Variants in CDH13 observed in about 807,000 individuals in gnomAD.
CDH13 encodes the protein cadherin-13.
A neutral mutation model predicts 63.8 loss-of-function variants in CDH13; 24 were observed. The ratio of observed to expected loss-of-function variants is 0.38; its 90% CI spans 0.27 to 0.53. The LOEUF is 0.53. CDH13 is among the 20% of genes least tolerant of loss of function. CDH13 has a pLI of 0.85. For synonymous variants in CDH13, 503 were observed against 355.3 expected, an observed-to-expected ratio of 1.42 and a Z score of -4.67; for missense variants, 1,049 against 903.1, an observed-to-expected ratio of 1.16 and a Z score of -2.07.
chr16:83,310,481 AGAG>A (rs773992215), intron 5 of CDH13, among the ~76,000 whole-genome samples: 1 of 152,196 alleles, frequency 6.6e-6, no homozygotes. Flanking sequence ...AGAGAGGCAG[AGAG>A]GAGAACACTG....
chr16:83,257,852 C>A (rs879739206), intron 5 of CDH13, among the ~76,000 whole-genome samples: 1 of 152,192 alleles, frequency 6.6e-6, no homozygotes, highest in East Asian at 1.9e-4. Flanking sequence ...ATACTATCTT[C>A]CACAATGGTT....
chr16:82,721,390 ATGAG>A (rs1450724662), intron 1 of CDH13, among the ~76,000 whole-genome samples: 1 of 152,108 alleles, frequency 6.6e-6, no homozygotes, highest in African/African-American at 2.4e-5. Flanking sequence ...TATATTTAGG[ATGAG>A]TGAGGGACAC....
rs570154703 is a variant in CDH13, at chr16:82,928,133, CCATT to C, written c.157+69663_157+69666del. ...ATTTGTACTATTTGGTCATTTTTCT[CCATT>C]CAATAATATAAAGTAGGCAGTCGTG... On this transcript the variant is annotated intron_variant, in intron 2 of 13. Coordinates refer to ENST00000567109, the MANE Select transcript of CDH13 (RefSeq NM_001257.5). 1.1e-3 allele frequency among the ~76,000 whole-genome samples: 160 copies of C among 150,150 alleles called. 1 individual carries two copies. Among genetic ancestry groups the C allele is most frequent in the African/African-American group, 3.7e-3 (153 of 40,806 alleles).
chr16:83,312,737 A>G (rs1023197341), intron 5 of CDH13, among the ~76,000 whole-genome samples: 1 of 152,238 alleles, frequency 6.6e-6, no homozygotes. Context: ...ATGTAATTAC[A>G]TAAAATAAAA....
chr16:83,498,974 T>G (rs1225602000), intron 7 of CDH13, among the ~76,000 whole-genome samples: 1 of 152,184 alleles, frequency 6.6e-6, no homozygotes, highest in Non-Finnish European at 1.5e-5. Flanking sequence ...ATACAGGTCA[T>G]TTGTTGAGTA....
At chr16:82,995,437 C>G (rs1415316005) in intron 2 of CDH13, among the ~76,000 whole-genome samples, 3 of 152,128 alleles carry the variant, frequency 2.0e-5, no homozygotes, top group Admixed American at 2.0e-4. Context: ...CTGTTTTTCC[C>G]TTCTTCAGCT....
At chr16:82,870,416 A>C (rs2040303616) in intron 2 of CDH13, among the ~76,000 whole-genome samples, 1 of 152,160 alleles carries the variant, frequency 6.6e-6, no homozygotes, top group Non-Finnish European at 1.5e-5. Flanking sequence ...GATGGTCCCC[A>C]AAAAACTAAA....
chr16:83,435,402 A>G (rs2072264170), intron 6 of CDH13, among the ~76,000 whole-genome samples: 1 of 152,044 alleles, frequency 6.6e-6, no homozygotes, highest in African/African-American at 2.4e-5. Flanking sequence ...AAACACTGCA[A>G]TCGTGTCATC....
At chr16:82,889,510 G>C (rs1182363142) in intron 2 of CDH13, among the ~76,000 whole-genome samples, 1 of 152,228 alleles carries the variant, frequency 6.6e-6, no homozygotes, top group Non-Finnish European at 1.5e-5. Flanking sequence ...GTGCAGATAT[G>C]AGTGATGGTC....
intron 3 of CDH13, among the ~76,000 whole-genome samples, chr16:83,099,944 T>C (rs2034394164): frequency 6.6e-6 from 1 of 152,192 alleles, no homozygotes; most frequent in Non-Finnish European, 1.5e-5. Context: ...GCACCCACAC[T>C]GTCCTACAAA....
At chr16:83,095,618 A>G (rs2034155430) in intron 3 of CDH13, among the ~76,000 whole-genome samples, 1 of 152,226 alleles carries the variant, frequency 6.6e-6, no homozygotes, top group Non-Finnish European at 1.5e-5. Context: ...CACCTCGCCA[A>G]AATCCTTGGC....
intron 10 of CDH13, among the ~76,000 whole-genome samples, chr16:83,684,164 C>G (rs952892283): frequency 6.6e-6 from 1 of 152,108 alleles, no homozygotes; most frequent in South Asian, 2.1e-4. Flanking sequence ...ATCAGGAGTT[C>G]GAGACCAGCC....
chr16:83,530,772 C>G (rs1190494841), intron 7 of CDH13, among the ~76,000 whole-genome samples: 3 of 149,146 alleles, frequency 2.0e-5, no homozygotes, highest in South Asian at 2.1e-4. Flanking sequence ...CAAAGAAGGA[C>G]TAGCCTATGG....
chr16:83,784,284 T>C (rs917582975), intron 13 of CDH13, among the ~76,000 whole-genome samples: 2 of 152,130 alleles, frequency 1.3e-5, no homozygotes, highest in African/African-American at 4.8e-5. Flanking sequence ...TAGTACAACA[T>C]TGGACATTCA....
chr16:83,053,571 C>T (rs1341833599), intron 3 of CDH13, among the ~76,000 whole-genome samples: 2 of 151,894 alleles, frequency 1.3e-5, no homozygotes, highest in Non-Finnish European at 2.9e-5. Flanking sequence ...ATATATGTTT[C>T]TTAAATTAGA....
At chr16:82,702,061 T>G (rs746700690) in intron 1 of CDH13, among the ~76,000 whole-genome samples, 3 of 152,160 alleles carry the variant, frequency 2.0e-5, no homozygotes, top group Non-Finnish European at 4.4e-5. Context: ...AACTCACCTT[T>G]CCCACTTGGC....
At chr16:83,180,639 C>A (rs578080965) in intron 4 of CDH13, among the ~76,000 whole-genome samples, 7 of 152,316 alleles carry the variant, frequency 4.6e-5, no homozygotes, top group Admixed American at 3.9e-4. Context: ...ATGGTCCCAG[C>A]AGTCCATATT....
intron 8 of CDH13, among the ~76,000 whole-genome samples, chr16:83,630,030 C>G (rs1435240039): frequency 6.6e-6 from 1 of 152,216 alleles, no homozygotes; most frequent in East Asian, 1.9e-4. Context: ...TGTCATCTGA[C>G]AGCAGGCTGG....
intron 8 of CDH13, among the ~76,000 whole-genome samples, chr16:83,634,529 T>C (rs958389770): frequency 4.6e-5 from 7 of 151,982 alleles, no homozygotes; most frequent in Non-Finnish European, 7.4e-5. Flanking sequence ...GCCTCCTGAA[T>C]AGCTGGGACT....
Sources: allele counts gnomAD v4.1 joint callset (sites outside exome capture counted in the v4.1 genomes callset), GRCh38; gene constraint gnomAD v4.1.1; transcripts MANE v1.5; gene names NCBI Gene and HGNC (gene_info 2026-07-23, HGNC 2026-07-21).